The following ANKS1B variants were observed in gnomAD, a reference collection of about 807,000 sequenced individuals.
The protein encoded by ANKS1B is ankyrin repeat and sterile alpha motif domain containing 1B, also known as ankyrin repeat and sterile alpha motif domain-containing protein 1B.
Under a neutral mutation model 148.3 loss-of-function variants are expected in ANKS1B, and 36 were observed. The ratio of observed to expected loss-of-function variants is 0.24; its 90% CI spans 0.19 to 0.32. The LOEUF (loss-of-function observed/expected upper bound fraction) is 0.32. Ranked by LOEUF, ANKS1B falls within the 10% of genes least tolerant of loss-of-function variation. The probability of loss-of-function intolerance (pLI) is 1.00; values close to 1 mark genes in which losing one functional copy is unlikely to be tolerated. For missense variants in ANKS1B, 1,157 were observed against 1,542.6 expected, an observed-to-expected ratio of 0.75 and a Z score of 4.19; for synonymous variants, 542 against 560.8, an observed-to-expected ratio of 0.97 and a Z score of 0.47.
intron 17 of ANKS1B, among the ~76,000 whole-genome samples, chr12:98,943,250 T>C (rs2099839867): frequency 6.6e-6 from 1 of 152,236 alleles, no homozygotes; most frequent in Non-Finnish European, 1.5e-5. Context: ...GCCTTTAATC[T>C]ACTTCCTTAA....
At chr12:99,208,625 TAAGG>T (rs2082959823) in intron 14 of ANKS1B, among the ~76,000 whole-genome samples, 2 of 152,150 alleles carry the variant, frequency 1.3e-5, no homozygotes, top group Non-Finnish European at 2.9e-5. Context: ...CTGATAATGT[TAAGG>T]TCATACCATT....
intron 24 of ANKS1B, among the ~76,000 whole-genome samples, chr12:98,776,906 G>C (rs1281720722): frequency 6.6e-6 from 1 of 152,160 alleles, no homozygotes; most frequent in Non-Finnish European, 1.5e-5. Flanking sequence ...AAAAACAATG[G>C]GAGGCCCACT....
At chr12:99,342,776 G>C (rs955502573) in intron 12 of ANKS1B, among the ~76,000 whole-genome samples, 1 of 151,852 alleles carries the variant, frequency 6.6e-6, no homozygotes, top group African/African-American at 2.4e-5. Flanking sequence ...AAGTAAAATG[G>C]GAAAGACTAA....
At chr12:99,075,327 T>C (rs2047501280) in intron 16 of ANKS1B, among the ~76,000 whole-genome samples, 1 of 152,116 alleles carries the variant, frequency 6.6e-6, no homozygotes, top group Admixed American at 6.6e-5. Context: ...CACAAAGAAC[T>C]CCAGGATGGA....
At chr12:99,125,460 C>A (rs2064057886) in intron 15 of ANKS1B, among the ~76,000 whole-genome samples, 1 of 152,154 alleles carries the variant, frequency 6.6e-6, no homozygotes, top group African/African-American at 2.4e-5. Context: ...TTCATTACAG[C>A]ATGCTGAATC....
At chr12:99,826,657 G>C (rs1448600247) in intron 1 of ANKS1B, among the ~76,000 whole-genome samples, 2 of 152,156 alleles carry the variant, frequency 1.3e-5, no homozygotes, top group African/African-American at 4.8e-5. Flanking sequence ...CTAGTTTGCA[G>C]ACGTTAAATC....
intron 22 of ANKS1B, among the ~76,000 whole-genome samples, chr12:98,798,590 T>A (rs1387176533): frequency 2.0e-5 from 3 of 152,222 alleles, no homozygotes; most frequent in Non-Finnish European, 4.4e-5. Flanking sequence ...CAATTGGTGA[T>A]GTTTTCAGTA....
chr12:99,689,981 G>C (rs1476779547), intron 8 of ANKS1B, among the ~76,000 whole-genome samples: 1 of 152,136 alleles, frequency 6.6e-6, no homozygotes, highest in Non-Finnish European at 1.5e-5. Context: ...AAGGAAAGAG[G>C]TTTAATTGCC....
At chr12:99,106,696 G>C (rs1001856142) in intron 15 of ANKS1B, among the ~76,000 whole-genome samples, 3 of 152,048 alleles carry the variant, frequency 2.0e-5, no homozygotes, top group Admixed American at 2.0e-4. Flanking sequence ...TCATTTCTTT[G>C]TGTAAGGAAC....
Position 98,745,529 on chromosome 12 carries a change from T to A in ANKS1B, c.*210A>T. The A allele has an allele frequency of 1.5e-6, 2 of 1,327,478 alleles. No individual in the cohort carries two copies. Among genetic ancestry groups the A allele is most frequent in the Non-Finnish European group, 1.9e-6 (2 of 1,036,546 alleles). The allele number at this position is 1,327,478 out of a possible 1,614,324, so 82.2% of individuals were successfully genotyped here. ...GAAAACCCATCTCAACTCACGCCTC[T>A]CAGGGGTTGCGACTGGAAAGTCTTG... On this transcript the variant is annotated 3_prime_UTR_variant, in exon 27 of 27. Coordinates refer to ENST00000683438, the MANE Select transcript of ANKS1B (RefSeq NM_001352186.2).
intron 9 of ANKS1B, among the ~76,000 whole-genome samples, chr12:99,559,632 T>A (rs1432313835): frequency 6.6e-6 from 1 of 152,202 alleles, no homozygotes; most frequent in Non-Finnish European, 1.5e-5. Context: ...AACCCTCACA[T>A]AATTCAATGA....
rs538583805 is a variant in ANKS1B, at chr12:99,222,677, A to G, written c.2419+21665T>C. ...TGACATCTCATACTTTGAAATGTTCAATTTAATCATTTTCCAAATCTGGAA... is the reference window on the plus strand; with the variant it reads ...TGACATCTCATACTTTGAAATGTTCGATTTAATCATTTTCCAAATCTGGAA... On this transcript the variant is annotated intron_variant, in intron 14 of 26. Coordinates refer to ENST00000683438, the MANE Select transcript of ANKS1B (RefSeq NM_001352186.2). 3.0e-4 allele frequency among the ~76,000 whole-genome samples: 46 copies of G among 152,306 alleles called. 2 individuals carry two copies. In the South Asian group the frequency reaches 9.1e-3, roughly 30 times the overall value.
At chr12:99,022,657 T>C (rs1249727097) in intron 17 of ANKS1B, among the ~76,000 whole-genome samples, 2 of 152,004 alleles carry the variant, frequency 1.3e-5, no homozygotes, top group African/African-American at 4.8e-5. Flanking sequence ...ATTTCGAGGG[T>C]ATGTTGAAGT....
Position 99,894,517 on chromosome 12 carries a change from A to AC in ANKS1B, c.135-69129_135-69128insG, listed in dbSNP as rs1419627608. 5.7e-5 allele frequency among the ~76,000 whole-genome samples: 8 copies of AC among 141,274 alleles called. No individual in the cohort carries two copies. In the East Asian group the frequency reaches 1.6e-3, roughly 28 times the overall value. 92.7% of individuals were successfully genotyped at this position (141,274 alleles called of 152,430 possible). On this transcript the variant is annotated intron_variant, in intron 1 of 26. Coordinates refer to ENST00000683438, the MANE Select transcript of ANKS1B (RefSeq NM_001352186.2). ...GAGCGGGACCCTGTCTCAAAAAAAAAAAAAAAAAAAAAACAAGGTACAAAT... is the reference window on the plus strand; with the variant it reads ...GAGCGGGACCCTGTCTCAAAAAAAAACAAAAAAAAAAAAACAAGGTACAAAT...
chr12:99,414,556 T>C (rs1271247194), intron 11 of ANKS1B, among the ~76,000 whole-genome samples: 1 of 151,918 alleles, frequency 6.6e-6, no homozygotes, highest in Admixed American at 6.6e-5. Flanking sequence ...CTGGAAACCA[T>C]CATTCTCAGC....
chr12:99,789,252 C>T (rs1024186823), intron 4 of ANKS1B, among the ~76,000 whole-genome samples: 7 of 152,168 alleles, frequency 4.6e-5, no homozygotes, highest in African/African-American at 1.4e-4. Context: ...TTATCCAAGA[C>T]CACCAAGGCA....
At chr12:98,759,601 A>C (rs2098351539) in intron 25 of ANKS1B, among the ~76,000 whole-genome samples, 1 of 152,192 alleles carries the variant, frequency 6.6e-6, no homozygotes. Context: ...TACATCACTA[A>C]GATTTTTGTT....
At chr12:99,769,656 C>T (rs1312026509) in intron 8 of ANKS1B, among the ~76,000 whole-genome samples, 2 of 152,074 alleles carry the variant, frequency 1.3e-5, no homozygotes, top group South Asian at 2.1e-4. Context: ...CTGTAATTAC[C>T]GCATGAAACT....
chr12:99,399,870 C>G (rs1350840164), intron 11 of ANKS1B, 59 bp from the exon 12 acceptor site: 5 of 1,540,618 alleles, frequency 3.2e-6, no homozygotes, highest in Non-Finnish European at 4.5e-6. Flanking sequence ...TCAGCCCAAT[C>G]TCCCCATCAA....
Sources: gnomAD v4.1 joint callset for allele counts (sites outside exome capture counted in the v4.1 genomes callset) on GRCh38, gnomAD v4.1.1 for gene constraint, MANE v1.5 for transcripts, NCBI Gene and HGNC (gene_info 2026-07-23, HGNC 2026-07-21) for gene names.